Variants in PDE4DIP observed in about 807,000 individuals in gnomAD.
PDE4DIP encodes the protein myomegalin.
PDE4DIP carries 59 observed loss-of-function variants against 221.4 expected under a neutral mutation model. The observed-to-expected ratio is 0.27, with a 90% CI of 0.22 to 0.33. The LOEUF (loss-of-function observed/expected upper bound fraction) is 0.33. Ranked by LOEUF, PDE4DIP falls within the 10% of genes least tolerant of loss-of-function variation. The pLI, the probability that PDE4DIP is intolerant of heterozygous loss-of-function variation, is 1.00. For synonymous variants in PDE4DIP, 404 were observed against 815.9 expected (o/e 0.50, Z 8.60); for missense variants, 1,036 against 2,154.2 (o/e 0.48, Z 10.28).
chr1:148,940,360 T>G (rs587620782), intron 5 of PDE4DIP, among the ~76,000 whole-genome samples: 1 of 152,150 alleles, frequency 6.6e-6, no homozygotes, highest in Non-Finnish European at 1.5e-5. Flanking sequence ...TAAATTGATA[T>G]GCTTTTTAAA....
chr1:148,875,919 C>G (rs1440947105), intron 3 of PDE4DIP, among the ~76,000 whole-genome samples: 4 of 152,290 alleles, frequency 2.6e-5, no homozygotes, highest in Non-Finnish European at 5.9e-5. Flanking sequence ...AAGCGAGACT[C>G]TGTCTCAAAT....
chr1:148,990,433 C>G (rs1212027982), intron 21 of PDE4DIP: 14 of 719,796 alleles, frequency 1.9e-5, no homozygotes, highest in Non-Finnish European at 2.2e-5. Flanking sequence ...GCTCATGATT[C>G]AAGCAGAGCC....
rs587713327 is a variant in PDE4DIP at position 148,967,911 on chromosome 1, A to G, written c.1785+6A>G. 1.8e-4 allele frequency: 133 copies of G among 748,670 alleles called. 3 individuals carry two copies. In the South Asian group the frequency reaches 1.9e-3, roughly 11 times the overall value. 46.4% of individuals were successfully genotyped at this position (748,670 alleles called of 1,614,324 possible). A position where few individuals can be genotyped will look rare whatever the true frequency, so the allele number is the denominator to read the frequency against. On this transcript the variant is annotated splice_donor_region_variant and intron_variant, in intron 13 of 43. Transcript: ENST00000369354. The stretch of plus-strand genomic sequence containing the variant: ...ATAGGAACAAAGAAGTGGAGGCAAG[A>G]CTTCAGTTAACTTTAAGGCAGTTGG...
intron 37 of PDE4DIP, chr1:149,021,406 T>C (rs587614153): frequency 2.3e-6 from 1 of 443,288 alleles, no homozygotes; most frequent in East Asian, 4.2e-5. Flanking sequence ...TATCAATGTC[T>C]AGATTGTAAC....
chr1:148,971,618 T>A (rs1378044018), intron 14 of PDE4DIP, among the ~76,000 whole-genome samples: 1 of 151,478 alleles, frequency 6.6e-6, no homozygotes, highest in Non-Finnish European at 1.5e-5. Flanking sequence ...CTTAGCAAAT[T>A]TCAAGTAAAT....
chr1:148,994,592 A>G (rs1461490477), intron 22 of PDE4DIP, among the ~76,000 whole-genome samples: 2 of 152,098 alleles, frequency 1.3e-5, no homozygotes, highest in African/African-American at 2.4e-5. Context: ...TTATATATAT[A>G]TATACACACA....
chr1:149,010,709 A>C (rs2152562845), intron 31 of PDE4DIP, 114 bp downstream of exon 34: 1 of 869,312 alleles, frequency 1.2e-6, no homozygotes, highest in South Asian at 1.7e-5. Flanking sequence ...ATCAAAACCT[A>C]GACAGAATCG....
intron 6 of PDE4DIP, among the ~76,000 whole-genome samples, chr1:148,961,026 G>A (rs2056796702): frequency 2.0e-5 from 3 of 152,218 alleles, no homozygotes; most frequent in Admixed American, 1.3e-4. Flanking sequence ...CTTGCATGCA[G>A]GCCGGCGCAG....
At chr1:149,015,518 C>T (rs1454559575) in intron 32 of PDE4DIP, among the ~76,000 whole-genome samples, 1 of 152,106 alleles carries the variant, frequency 6.6e-6, no homozygotes, top group Non-Finnish European at 1.5e-5. Flanking sequence ...CCTCATCTCC[C>T]CCATGCTAGG....
At chr1:148,944,807 G>T (rs2051254738) in intron 5 of PDE4DIP, among the ~76,000 whole-genome samples, 1 of 152,154 alleles carries the variant, frequency 6.6e-6, no homozygotes, top group Non-Finnish European at 1.5e-5. Context: ...GGAGGTGGAG[G>T]TTGTAGTGAG....
chr1:148,820,714 T>TG (rs782006342), intron 1 of PDE4DIP, among the ~76,000 whole-genome samples: 2,613 of 139,518 alleles, frequency 0.019, 11 homozygotes, highest in Admixed American at 0.079. Context: ...ACTTTTTTTT[T>TG]GGGGGGGGGG....
chr1:148,927,523 T>G (rs1553466530), intron 1 of PDE4DIP, among the ~76,000 whole-genome samples: 1 of 152,016 alleles, frequency 6.6e-6, no homozygotes, highest in African/African-American at 2.4e-5. Flanking sequence ...CCTTCACAAG[T>G]ATGGTAGAAA....
At chr1:148,988,286 C>A (rs2062282008) in intron 21 of PDE4DIP, among the ~76,000 whole-genome samples, 1 of 147,550 alleles carries the variant, frequency 6.8e-6, no homozygotes, top group Non-Finnish European at 1.5e-5. Flanking sequence ...CTTACAATAA[C>A]AATAATAATA....
intron 1 of PDE4DIP, among the ~76,000 whole-genome samples, chr1:148,903,252 ATTGT>A (rs1553447971): frequency 1.5e-5 from 2 of 131,420 alleles, no homozygotes; most frequent in South Asian, 2.5e-4. Flanking sequence ...TTATGATGGG[ATTGT>A]TTGTTTTTTT....
chr1:149,000,419 G>T (rs1387261695), intron 23 of PDE4DIP, among the ~76,000 whole-genome samples: 12 of 151,942 alleles, frequency 7.9e-5, no homozygotes, highest in Non-Finnish European at 1.2e-4. Flanking sequence ...GCTGGGCGTG[G>T]TGGCACGTGC....
intron 30 of PDE4DIP, among the ~76,000 whole-genome samples, 163 bp from the exon 34 acceptor site, chr1:149,010,280 G>T (rs1344231870): frequency 6.6e-6 from 1 of 152,030 alleles, no homozygotes; most frequent in Admixed American, 6.6e-5. Flanking sequence ...CTCACTATAG[G>T]AGCTGTCTGC....
chr1:148,990,235 A>G lies in PDE4DIP; in HGVS notation c.2816-1650A>G, dbSNP rs1553555782. The stretch of plus-strand genomic sequence containing the variant: ...TTTCAGCATTTTAATTCAAATTGGT[A>G]AAAGGCTGAGCAACCCTTAAAGCTG... On this transcript the variant is annotated intron_variant, in intron 21 of 43. Transcript: ENST00000369354. The G allele has an allele frequency of 3.0e-6, 3 of 984,546 alleles. No homozygotes were observed. The African/African-American group carries it at 5.2e-5, about 17-fold the overall frequency. 61.0% of individuals were successfully genotyped at this position (984,546 alleles called of 1,614,324 possible).
chr1:149,031,843 C>T (rs2076821113), intron 43 of PDE4DIP, 101 bp from the exon 47 acceptor site: 3 of 1,113,462 alleles, frequency 2.7e-6, no homozygotes, highest in Non-Finnish European at 1.3e-6. Flanking sequence ...TCACCGTGCT[C>T]CTGGCTTTGG....
At chr1:148,953,870 G>T (rs2054369855) in intron 5 of PDE4DIP, 2 of 1,611,320 alleles carry the variant, frequency 1.2e-6, no homozygotes, top group Non-Finnish European at 8.5e-7. Context: ...GCTGTGGGAT[G>T]ATCTCTGTGA....
Sources: gnomAD v4.1 joint callset for allele counts (sites outside exome capture counted in the v4.1 genomes callset) on GRCh38, gnomAD v4.1.1 for gene constraint, MANE v1.5 for transcripts, NCBI Gene and HGNC (gene_info 2026-07-23, HGNC 2026-07-21) for gene names.